The following DDHD2 variants were observed in gnomAD, a reference collection of about 807,000 sequenced individuals.
DDHD2 encodes DDHD domain containing 2, also known as triacylglycerol hydrolase DDHD2.
DDHD2 carries 62 observed loss-of-function variants against 91.2 expected under a neutral mutation model. That is an observed-to-expected ratio of 0.68 (90% CI 0.55 to 0.84). The LOEUF is 0.84. DDHD2 is among the 40% of genes least tolerant of loss of function. DDHD2 has a pLI of 0.00. For missense variants in DDHD2, 740 were observed against 846.9 expected, an observed-to-expected ratio of 0.87 and a Z score of 1.57; for synonymous variants, 271 against 293.9, an observed-to-expected ratio of 0.92 and a Z score of 0.80.
In DDHD2 at chr8:38,252,276, A is replaced by G. The variant is rs749047442; in HGVS notation, c.1606A>G (p.Ile536Val). 10 of 1,613,168 alleles carry G rather than the reference A, an allele frequency of 6.2e-6. No individual in the cohort carries two copies. The highest frequency in any genetic ancestry group is 8.5e-6 in the Non-Finnish European group (10 of 1,179,696). The change falls in exon 13 of 18, where the codon ATT becomes GTT. Residue 536 changes from isoleucine (I) to valine (V), a missense_variant. By Grantham distance (29) the Ile-to-Val change is conservative (BLOSUM62 3). Coordinates refer to ENST00000397166, the MANE Select transcript of DDHD2 (RefSeq NM_015214.3). ...TCCAACGTGCAAAGGTTTCTTCAATATTTATCACCCTGTAAGCATTGTACA... is the reference window on the plus strand; with the variant it reads ...TCCAACGTGCAAAGGTTTCTTCAATGTTTATCACCCTGTAAGCATTGTACA... ...RFPTCKGFFN[I>V]YHPFDPVAYR...
At chr8:38,238,759 A>G in intron 5 of DDHD2, 3 of 828,934 alleles carry the variant, frequency 3.6e-6, no homozygotes, top group Non-Finnish European at 4.4e-6. Context: ...AAAATGAAAT[A>G]CTAGATAAAA....
rs957985263 is a variant in DDHD2 at position 38,244,505 on chromosome 8, C to T, written c.849-1237C>T. 3.3e-5 allele frequency among the ~76,000 whole-genome samples: 5 copies of T among 150,126 alleles called. No individual in the cohort carries two copies. The South Asian group carries it at 1.1e-3, about 32-fold the overall frequency. The stretch of plus-strand genomic sequence containing the variant: ...ACTCCTGACCTCATGATCTGCCCGC[C>T]TCAGCCTCCCAAAGTGCTGGGATTA... On this transcript the variant is annotated intron_variant, in intron 7 of 17. Coordinates refer to ENST00000397166, the MANE Select transcript of DDHD2 (RefSeq NM_015214.3).
At chr8:38,268,173 C>CCTAAATGCACTGGGTT in intron 1 of DDHD2, 2 of 1,234,016 alleles carry the variant, frequency 1.6e-6, no homozygotes, top group Non-Finnish European at 2.2e-6. Context: ...TAACCCAGTG[C>CCTAAATGCACTGGGTT]ATTTAGGCAC....
intron 5 of DDHD2, 65 bp downstream of exon 5, chr8:38,238,274 T>C: frequency 1.9e-6 from 3 of 1,594,900 alleles, no homozygotes; most frequent in Non-Finnish European, 2.6e-6. Flanking sequence ...AATTGTGACC[T>C]TTTTCTGTGG....
intron 1 of DDHD2, chr8:38,268,198 T>C (rs1340364568): frequency 2.0e-5 from 22 of 1,109,860 alleles, no homozygotes; most frequent in Non-Finnish European, 2.6e-5. Flanking sequence ...CTGCCTGCCG[T>C]GTAGCCTGCG....
chr8:38,266,021 C>A, downstream of DDHD2: 3 of 853,884 alleles, frequency 3.5e-6, no homozygotes, highest in Non-Finnish European at 3.6e-6. Flanking sequence ...GAACCCAGAC[C>A]ATCCATACTC....
chr8:38,252,813 G>A lies in DDHD2; in HGVS notation c.1709G>A (p.Arg570Gln), dbSNP rs767592646. ...MLIPHHKGRK[R>Q]MHLELREGLT... ...ATCCCACATCATAAAGGCAGGAAGC[G>A]GATGCACTTAGGTAAGTCCGAGCAT... Residue 570 changes from arginine to glutamine, a missense_variant, in exon 14 of 18, where the codon CGG becomes CAG. Arg to Gln is a conservative substitution (Grantham distance 43). Transcript: ENST00000397166. 4 of 1,613,870 alleles carry A rather than the reference G, an allele frequency of 2.5e-6. No homozygotes were observed. Among genetic ancestry groups the A allele is most frequent in the South Asian group, 1.1e-5 (1 of 91,070 alleles).
At position 38,237,354 on chromosome 8, in the gene DDHD2, C is replaced by T. The variant is rs911908118; in HGVS notation, c.412-184C>T. On this transcript the variant is annotated intron_variant, in intron 3 of 17. Coordinates refer to ENST00000397166, the MANE Select transcript of DDHD2 (RefSeq NM_015214.3). ...TTGTGCCACTGCAACCCAGCCTGGGCGACAGAGTAAGACAAACAAAACAAA... is the reference window on the plus strand; with the variant it reads ...TTGTGCCACTGCAACCCAGCCTGGGTGACAGAGTAAGACAAACAAAACAAA... Among the ~76,000 whole-genome samples the T allele has an allele frequency of 4.6e-5, 7 of 151,756 alleles. No individual in the cohort carries two copies. In the South Asian group the frequency reaches 8.3e-4, roughly 18 times the overall value.
Position 38,247,781 on chromosome 8 carries a change from GCT to G in DDHD2, c.1199_1200del (p.Ser400Ter), listed in dbSNP as rs1805764252. 6.3e-7 allele frequency: 1 copy of G among 1,585,930 alleles called. No individual in the cohort carries two copies. Among genetic ancestry groups the G allele is most frequent in the Non-Finnish European group, 8.6e-7 (1 of 1,165,160 alleles). On this transcript the variant is annotated frameshift_variant, in exon 10 of 18. Transcript: ENST00000397166. LOFTEE classifies it high-confidence loss of function. ...TAGAGGAAGATTTGAAGAAACTTCAGCTCTCTGAATTCTTTGATATCTTTGAG... is the reference window on the plus strand; with the variant it reads ...TAGAGGAAGATTTGAAGAAACTTCAGCTCTGAATTCTTTGATATCTTTGAG... ...TLEEDLKKLQLSEFFDIFEKE... is the reference protein window; with the variant it reads ...TLEEDLKKLQXSEFFDIFEKE...
intron 1 of DDHD2, chr8:38,268,410 T>TA (rs1277029237): frequency 6.3e-7 from 1 of 1,576,760 alleles, no homozygotes; most frequent in Non-Finnish European, 8.6e-7. Context: ...TCTGCCTTCT[T>TA]GAGAAATTTG....
chr8:38,240,811 G>A (rs1350028553), intron 6 of DDHD2, among the ~76,000 whole-genome samples: 1 of 152,100 alleles, frequency 6.6e-6, no homozygotes, highest in Non-Finnish European at 1.5e-5. Flanking sequence ...GGTGGCTCAC[G>A]CCTGTAATCC....
At chr8:38,268,464 G>T (rs780291995) in intron 1 of DDHD2, 5 of 1,565,960 alleles carry the variant, frequency 3.2e-6, no homozygotes, top group South Asian at 1.2e-5. Context: ...GCAATAACCT[G>T]AATCAGAATG....
At chr8:38,264,160 T>C, downstream of DDHD2, 1 of 1,041,150 alleles carries the variant, frequency 9.6e-7, no homozygotes, top group Middle Eastern at 4.5e-4. Flanking sequence ...AATTTTTTTT[T>C]TTTTTGAGAT....
chr8:38,252,637 A>C (rs1400470034), intron 13 of DDHD2, 85 bp from the exon 14 acceptor site: 10 of 944,922 alleles, frequency 1.1e-5, no homozygotes, highest in Non-Finnish European at 1.6e-5. Context: ...GCGAGACCTC[A>C]TCTCAAAAAA....
chr8:38,244,857 C>T (rs1224859409), intron 7 of DDHD2, among the ~76,000 whole-genome samples: 1 of 152,184 alleles, frequency 6.6e-6, no homozygotes, highest in African/African-American at 2.4e-5. Flanking sequence ...AGCCACCGCT[C>T]CTGGCCCTGA....
chr8:38,271,030 A>G (rs1468428816), intron 1 of DDHD2: 1 of 152,220 alleles, frequency 6.6e-6, no homozygotes, highest in East Asian at 1.9e-4. Flanking sequence ...TAGTAAAAGG[A>G]AAGAAGATGT....
chr8:38,264,300 CCTGGCTAATTTTTGT>C, downstream of DDHD2: 1 of 775,670 alleles, frequency 1.3e-6, no homozygotes, highest in South Asian at 2.8e-5. Flanking sequence ...GCACACAACT[CCTGGCTAATTTTTGT>C]ATTTTTAGTA....
At position 38,237,634 on chromosome 8, in the gene DDHD2, CAA is replaced by C; in HGVS notation, c.501+9_501+10del. 2.7e-6 allele frequency: 4 copies of C among 1,480,550 alleles called. No homozygotes were observed. Among genetic ancestry groups the C allele is most frequent in the Non-Finnish European group, 3.7e-6 (4 of 1,082,472 alleles). 91.7% of individuals were successfully genotyped at this position (1,480,550 alleles called of 1,614,324 possible). A position where few individuals can be genotyped will look rare whatever the true frequency, so the allele number is the denominator to read the frequency against. ...TATTTTACACAATCCAAAGGTAAAA[CAA>C]AGCATTTCTCTTGTCGGGATAAAAA... is the stretch of plus-strand genomic sequence containing the variant. On this transcript the variant is annotated splice_region_variant and intron_variant, in intron 4 of 17. Coordinates refer to ENST00000397166, the MANE Select transcript of DDHD2 (RefSeq NM_015214.3).
intron 13 of DDHD2, 76 bp from the exon 14 acceptor site, chr8:38,252,641 CAAAAA>C (rs200837621): frequency 1.4e-4 from 101 of 724,784 alleles, no homozygotes; most frequent in East Asian, 1.6e-4. Context: ...GACCTCATCT[CAAAAA>C]AAAAAAAAAA....
Sources: allele counts gnomAD v4.1 joint callset (sites outside exome capture counted in the v4.1 genomes callset), GRCh38; gene constraint gnomAD v4.1.1; transcripts MANE v1.5; gene names NCBI Gene and HGNC (gene_info 2026-07-23, HGNC 2026-07-21).